LMO2: variants seen among roughly 807,000 people sequenced by gnomAD.
LMO2 encodes the protein rhombotin-2.
In LMO2, 20 loss-of-function variants were observed where a neutral mutation model predicts 23.2. That is an observed-to-expected ratio of 0.86 (90% CI 0.61 to 1.25). The LOEUF is 1.25. LMO2 is among the 50% of genes most tolerant of loss of function. The probability of loss-of-function intolerance (pLI) is 0.00; values close to 1 mark genes in which losing one functional copy is unlikely to be tolerated. For synonymous variants in LMO2, 123 were observed against 130.2 expected, an observed-to-expected ratio of 0.94 and a Z score of 0.38; for missense variants, 270 against 315.3, an observed-to-expected ratio of 0.86 and a Z score of 1.09.
Position 33,869,460 on chromosome 11 carries a change from C to G in LMO2, c.134G>C (p.Arg45Pro), listed in dbSNP as rs1488445967. 8.4e-7 allele frequency: 1 copy of G among 1,196,222 alleles called. No individual in the cohort carries two copies. Among genetic ancestry groups the G allele is most frequent in the Admixed American group, 4.6e-5 (1 of 21,650 alleles). 74.1% of individuals were successfully genotyped at this position (1,196,222 alleles called of 1,614,324 possible). A position where few individuals can be genotyped will look rare whatever the true frequency, so the allele number is the denominator to read the frequency against. ...GCGGGGCTGGCCGGCTGCCGGGGCT[C>G]GGACCCCCTCGGGTGCTCGGGCGCC... ...GGGARAPEGV[R>P]APAAGQPRAT... The change falls in exon 4 of 6, where the codon CGA (arginine) becomes CCA (proline). Residue 45 changes from arginine (R) to proline (P), a missense_variant. By Grantham distance (103) the Arg-to-Pro change is moderately radical. Transcript: ENST00000257818.
chr11:33,864,497 T>A lies in LMO2; in HGVS notation c.464+105A>T. Reference sequence around the variant, plus strand: ...CAGTCTGACCTCTTTCTATAGGTGGTGTCCGAGCCTGGAGCAGGGTAAGGG... The same window carrying A: ...CAGTCTGACCTCTTTCTATAGGTGGAGTCCGAGCCTGGAGCAGGGTAAGGG... On this transcript the variant is annotated intron_variant, in intron 5 of 5. Transcript: ENST00000257818. This position sits in a 1 kb window ranked among gnomAD's most constrained non-coding sequence, Gnocchi z 4.8. 1 of 843,856 alleles carries A rather than the reference T, an allele frequency of 1.2e-6. No individual in the cohort carries two copies. Among genetic ancestry groups the A allele is most frequent in the Non-Finnish European group, 1.8e-6 (1 of 541,878 alleles). 52.3% of individuals were successfully genotyped at this position (843,856 alleles called of 1,614,324 possible). A position where few individuals can be genotyped will look rare whatever the true frequency, so the allele number is the denominator to read the frequency against.
intron 1 of LMO2, among the ~76,000 whole-genome samples, chr11:33,887,539 GATTT>G (rs775139475): frequency 2.8e-5 from 3 of 108,910 alleles, no homozygotes; most frequent in African/African-American, 1.1e-4. Context: ...CAGGAATGTG[GATTT>G]TTTTTTTTTT....
intron 4 of LMO2, among the ~76,000 whole-genome samples, chr11:33,868,365 A>G (rs1856862405): frequency 6.6e-6 from 1 of 152,254 alleles, no homozygotes; most frequent in Non-Finnish European, 1.5e-5. Context: ...GTCATTAACC[A>G]GCTCCTTTGG....
intron 2 of LMO2, among the ~76,000 whole-genome samples, chr11:33,879,459 TA>T (rs750003431): frequency 0.034 from 4,232 of 125,446 alleles, 192 homozygotes; most frequent in African/African-American, 0.11. Context: ...TGTCTCTACT[TA>T]AAAAAAAAAA....
intron 2 of LMO2, chr11:33,881,261 G>T (rs768023212): frequency 6.6e-6 from 3 of 457,042 alleles, no homozygotes; most frequent in Middle Eastern, 3.2e-4. Flanking sequence ...GCAGAAGGCC[G>T]CCTTGGGTCA....
At chr11:33,878,323 A>G (rs1183729348) in intron 2 of LMO2, among the ~76,000 whole-genome samples, 1 of 152,008 alleles carries the variant, frequency 6.6e-6, no homozygotes, top group Non-Finnish European at 1.5e-5. Context: ...TTTTCTCTCT[A>G]TCGGGGATGT....
intron 2 of LMO2, chr11:33,881,314 T>C (rs1857277682): frequency 4.4e-6 from 2 of 456,716 alleles, no homozygotes; most frequent in Admixed American, 2.3e-5. Flanking sequence ...TCCATTTGTA[T>C]TTCCTGCGTG....
intron 1 of LMO2, among the ~76,000 whole-genome samples, chr11:33,888,194 C>T (rs1297055927): frequency 1.3e-5 from 2 of 152,168 alleles, no homozygotes; most frequent in African/African-American, 4.8e-5. Context: ...CTCACGCAAG[C>T]GCATTCGTAT....
At chr11:33,870,067 T>G in intron 2 of LMO2, 80 bp from the exon 3 acceptor site, 3 of 458,644 alleles carry the variant, frequency 6.5e-6, no homozygotes, top group East Asian at 1.2e-4. Flanking sequence ...CCCTTTTTTC[T>G]TCCTTTTTTT....
At chr11:33,863,263 T>G (rs773217430) in intron 5 of LMO2, among the ~76,000 whole-genome samples, 7 of 152,188 alleles carry the variant, frequency 4.6e-5, no homozygotes, top group Non-Finnish European at 8.8e-5. Flanking sequence ...ATTATAAGCA[T>G]GATCATTGCA....
Position 33,880,255 on chromosome 11 carries a change from A to ATATATATCATATATACACATGC in LMO2, c.-272+1568_-272+1569insGCATGTGTATATATGATATATA. 2.5e-5 allele frequency among the ~76,000 whole-genome samples: 1 copy of ATATATATCATATATACACATGC among 40,318 alleles called. No individual in the cohort carries two copies. Among genetic ancestry groups the ATATATATCATATATACACATGC allele is most frequent in the Non-Finnish European group, 6.1e-5 (1 of 16,344 alleles). 26.5% of individuals were successfully genotyped at this position (40,318 alleles called of 152,430 possible). Reference sequence around the variant, plus strand: ...TATATATATCATATATACACATGATATATATATCATACATACACATGATAT... The same window carrying ATATATATCATATATACACATGC: ...TATATATATCATATATACACATGATATATATATCATATATACACATGCTATATATCATACATACACATGATAT... On this transcript the variant is annotated intron_variant, in intron 2 of 5. Transcript: ENST00000257818. The surrounding 1 kb of genome is among the most constrained non-coding windows in gnomAD (Gnocchi z 4.3).
chr11:33,890,403 G>A (rs1314297826), intron 1 of LMO2, among the ~76,000 whole-genome samples: 5 of 152,178 alleles, frequency 3.3e-5, no homozygotes, highest in African/African-American at 4.8e-5. Flanking sequence ...CCAGGCTGGA[G>A]TGCAATAGTG....
intron 4 of LMO2, among the ~76,000 whole-genome samples, chr11:33,866,677 C>T (rs752832098): frequency 6.6e-6 from 1 of 152,144 alleles, no homozygotes; most frequent in Non-Finnish European, 1.5e-5. Context: ...CACAGTTTCA[C>T]TCTTATTGCC....
intron 1 of LMO2, among the ~76,000 whole-genome samples, chr11:33,884,560 CT>C (rs1857361189): frequency 6.6e-6 from 1 of 152,168 alleles, no homozygotes; most frequent in Non-Finnish European, 1.5e-5. Context: ...AGCTAATATA[CT>C]TGTATATAGG....
chr11:33,883,170 G>A (rs954963583), intron 1 of LMO2, among the ~76,000 whole-genome samples: 1 of 152,188 alleles, frequency 6.6e-6, no homozygotes, highest in Non-Finnish European at 1.5e-5. Flanking sequence ...GATGTCCAAC[G>A]TTTTAACTTC....
At chr11:33,860,823 C>A (rs1444086995) in intron 5 of LMO2, among the ~76,000 whole-genome samples, 1 of 152,158 alleles carries the variant, frequency 6.6e-6, no homozygotes, top group Non-Finnish European at 1.5e-5. Flanking sequence ...CTCAGCCCTC[C>A]TCCTTCCCTA....
rs1363775571 is a variant in LMO2, at chr11:33,869,852, C to T, written c.-136G>A. Reference sequence around the variant, plus strand: ...TCGGCCCGGGTCGCGGCGCGCTGCTCGCCGCCGAGGGCAGAGAGGGGGCGG... The same window carrying T: ...TCGGCCCGGGTCGCGGCGCGCTGCTTGCCGCCGAGGGCAGAGAGGGGGCGG... On this transcript the variant is annotated 5_prime_UTR_variant, in exon 3 of 6. Transcript: ENST00000257818. 1.9e-6 allele frequency: 2 copies of T among 1,059,644 alleles called. No homozygotes were observed. The highest frequency in any genetic ancestry group is 2.3e-6 in the Non-Finnish European group (2 of 878,842). 65.6% of individuals were successfully genotyped at this position (1,059,644 alleles called of 1,614,324 possible).
At chr11:33,891,379 A>G (rs990387483) in intron 1 of LMO2, among the ~76,000 whole-genome samples, 4 of 133,616 alleles carry the variant, frequency 3.0e-5, no homozygotes, top group East Asian at 2.7e-4. Context: ...ACACACACAC[A>G]CACACACACA....
chr11:33,874,714 C>T (rs551554803), intron 2 of LMO2, among the ~76,000 whole-genome samples: 5 of 152,366 alleles, frequency 3.3e-5, no homozygotes, highest in African/African-American at 1.2e-4. Flanking sequence ...CTCGGCAAGC[C>T]TCAGGCCAGA....
Sources: gnomAD v4.1 joint callset for allele counts (sites outside exome capture counted in the v4.1 genomes callset) on GRCh38, gnomAD v4.1.1 for gene constraint, Gnocchi (gnomAD v3.1) non-coding constraint, MANE v1.5 for transcripts, NCBI Gene and HGNC (gene_info 2026-07-23, HGNC 2026-07-21) for gene names.